Variants in FTCDNL1 observed in about 807,000 individuals in gnomAD.
FTCDNL1 encodes formiminotransferase cyclodeaminase N-terminal like, also known as formiminotransferase N-terminal subdomain-containing protein.
Under a neutral mutation model 5.9 loss-of-function variants are expected in FTCDNL1, and 11 were observed. The ratio of observed to expected loss-of-function variants is 1.87; its 90% CI spans 1.18 to 3.10. FTCDNL1 has a LOEUF of 3.10. Ranked by LOEUF, FTCDNL1 falls within the 30% of genes most tolerant of loss-of-function variation. FTCDNL1 has a pLI of 0.00. For missense variants in FTCDNL1, 115 were observed against 65.5 expected (o/e 1.76, Z -2.61); for synonymous variants, 58 against 24.8 (o/e 2.34, Z -3.99).
At chr2:199,670,699 C>G in the FTCDNL1 span, among the ~76,000 whole-genome samples, 1 of 152,042 alleles carries the variant, frequency 6.6e-6, no homozygotes, top group African/African-American at 2.4e-5. Context: ...TTCTCTTGAT[C>G]ACTTTATCTC....
At chr2:199,793,734 C>T (rs1700044536) in intron 3 of FTCDNL1, among the ~76,000 whole-genome samples, 1 of 152,154 alleles carries the variant, frequency 6.6e-6, no homozygotes, top group Non-Finnish European at 1.5e-5. Context: ...ACGGCATTGA[C>T]ATCAAGAACT....
At chr2:199,778,501 C>T (rs1324565522) in intron 3 of FTCDNL1, among the ~76,000 whole-genome samples, 1 of 152,166 alleles carries the variant, frequency 6.6e-6, no homozygotes, top group Non-Finnish European at 1.5e-5. Context: ...CACCTGCGAG[C>T]ACTTTCGGCC....
the FTCDNL1 span, among the ~76,000 whole-genome samples, chr2:199,698,622 A>C: frequency 6.6e-6 from 1 of 152,216 alleles, no homozygotes; most frequent in African/African-American, 2.4e-5. Context: ...GACACAGCTA[A>C]AGCAGTGTTG....
chr2:199,673,695 T>A, the FTCDNL1 span, among the ~76,000 whole-genome samples: 85 of 152,266 alleles, frequency 5.6e-4, 1 homozygote, highest in South Asian at 1.7e-3. Context: ...GAAATAGATA[T>A]AAGAAAGAAA....
chr2:199,794,984 G>A (rs977791977), intron 3 of FTCDNL1, among the ~76,000 whole-genome samples: 1 of 152,154 alleles, frequency 6.6e-6, no homozygotes, highest in Non-Finnish European at 1.5e-5. Context: ...TAGGGACTTT[G>A]GAGTCAGACT....
chr2:199,729,153 A>C, the FTCDNL1 span, among the ~76,000 whole-genome samples: 2 of 152,378 alleles, frequency 1.3e-5, no homozygotes, highest in African/African-American at 4.8e-5. Flanking sequence ...GAATATATAG[A>C]GAACATAACA....
chr2:199,824,585 T>A (rs767383536), intron 3 of FTCDNL1, among the ~76,000 whole-genome samples: 5 of 152,208 alleles, frequency 3.3e-5, no homozygotes, highest in Non-Finnish European at 7.3e-5. Flanking sequence ...TAATCATTTC[T>A]AGCTTTTTAT....
the FTCDNL1 span, among the ~76,000 whole-genome samples, chr2:199,718,786 A>C: frequency 6.6e-6 from 1 of 152,118 alleles, no homozygotes; most frequent in Non-Finnish European, 1.5e-5. Flanking sequence ...TTCAATTAGC[A>C]TTTCTCTGAA....
chr2:199,767,414 G>A (rs1001773531), intron 3 of FTCDNL1, among the ~76,000 whole-genome samples: 8 of 152,218 alleles, frequency 5.3e-5, no homozygotes, highest in South Asian at 2.1e-4. Context: ...AGACAGCTTC[G>A]TTTGAATTAA....
At chr2:199,783,896 C>T (rs568990355) in intron 3 of FTCDNL1, among the ~76,000 whole-genome samples, 21 of 151,894 alleles carry the variant, frequency 1.4e-4, no homozygotes. Flanking sequence ...TGCTACAATG[C>T]TAGCTTTTGA....
the FTCDNL1 span, among the ~76,000 whole-genome samples, chr2:199,669,099 T>C: frequency 2.2e-4 from 33 of 152,174 alleles, no homozygotes; most frequent in Non-Finnish European, 4.7e-4. Flanking sequence ...TGCTGAGAAG[T>C]CCAACTCACT....
the FTCDNL1 span, among the ~76,000 whole-genome samples, chr2:199,720,403 A>G: frequency 6.6e-6 from 1 of 152,204 alleles, no homozygotes; most frequent in Non-Finnish European, 1.5e-5. Flanking sequence ...TTAGTTTCCT[A>G]GGGCTGCCAT....
the FTCDNL1 span, among the ~76,000 whole-genome samples, chr2:199,708,267 T>C: frequency 3.9e-5 from 6 of 152,106 alleles, no homozygotes; most frequent in African/African-American, 1.4e-4. Context: ...GACTAGAAGT[T>C]CCACATGATT....
At chr2:199,749,302 A>G in the FTCDNL1 span, among the ~76,000 whole-genome samples, 1 of 152,172 alleles carries the variant, frequency 6.6e-6, no homozygotes, top group Non-Finnish European at 1.5e-5. Context: ...ATGTGTGGGA[A>G]TAAATACATG....
At chr2:199,802,558 G>T (rs1192740123) in intron 3 of FTCDNL1, among the ~76,000 whole-genome samples, 1 of 152,200 alleles carries the variant, frequency 6.6e-6, no homozygotes. Flanking sequence ...CCTGGTTCTA[G>T]CAGCAGTGTT....
the FTCDNL1 span, among the ~76,000 whole-genome samples, chr2:199,686,548 G>T: frequency 6.6e-6 from 1 of 152,048 alleles, no homozygotes; most frequent in South Asian, 2.1e-4. Flanking sequence ...CATGCCAGTT[G>T]ATTAGAAGAA....
In FTCDNL1 at chr2:199,828,786, AC is replaced by A. The variant is rs201917505; in HGVS notation, c.212-9030del. 1.0e-3 allele frequency among the ~76,000 whole-genome samples: 155 copies of A among 152,328 alleles called. 2 individuals are homozygous for A. The East Asian group carries it at 0.027, about 27-fold the overall frequency. On this transcript the variant is annotated intron_variant, in intron 3 of 4. Transcript: ENST00000420128. ...AAGGTTTATCAAATTGAATGAACTG[AC>A]TTTGCTTCCTAAGCACTTTGTTGAT... is the stretch of plus-strand genomic sequence containing the variant.
chr2:199,761,416 G>A (rs1458174380), intron 3 of FTCDNL1, among the ~76,000 whole-genome samples: 1 of 152,170 alleles, frequency 6.6e-6, no homozygotes, highest in African/African-American at 2.4e-5. Flanking sequence ...CTCTCTCCAA[G>A]ACAAAAAGAA....
chr2:199,778,276 C>T (rs1035294446), intron 3 of FTCDNL1, among the ~76,000 whole-genome samples: 1 of 152,122 alleles, frequency 6.6e-6, no homozygotes, highest in African/African-American at 2.4e-5. Flanking sequence ...CCTGAAAGCA[C>T]GTTTGAAGGA....
Sources: gnomAD v4.1 joint callset for allele counts (sites outside exome capture counted in the v4.1 genomes callset) on GRCh38, gnomAD v4.1.1 for gene constraint, MANE v1.5 for transcripts, NCBI Gene and HGNC (gene_info 2026-07-23, HGNC 2026-07-21) for gene names.